APOBEC3B: variants seen among roughly 807,000 people sequenced by gnomAD.
The protein encoded by APOBEC3B is apolipoprotein B mRNA editing enzyme catalytic subunit 3B.
In APOBEC3B, 29 loss-of-function variants were observed where a neutral mutation model predicts 53.4. The ratio of observed to expected loss-of-function variants is 0.54; its 90% confidence interval spans 0.40 to 0.74. The LOEUF (loss-of-function observed/expected upper bound fraction) is 0.74, where lower values mean the gene tolerates loss of function less well. Among genes scored for constraint, APOBEC3B ranks in the 30% least tolerant of loss-of-function variants. The pLI, the probability that APOBEC3B is intolerant of heterozygous loss-of-function variation, is 0.00. For synonymous variants in APOBEC3B, 132 were observed against 184.8 expected (o/e 0.71, Z 2.32); for missense variants, 347 against 496.2 (o/e 0.70, Z 2.86).
chr22:38,988,683 C>CTCTCCTTCTTTCTTTCTTTCTT (rs1555894372), intron 4 of APOBEC3B, among the ~76,000 whole-genome samples: 1 of 47,512 alleles, frequency 2.1e-5, no homozygotes, highest in Non-Finnish European at 3.9e-5. Flanking sequence ...TTCTCTCTTT[C>CTCTCCTTCTTTCTTTCTTTCTT]TCTTTCTTTC....
In APOBEC3B at chr22:38,992,187, C is replaced by T. The variant is rs765789641; in HGVS notation, c.1134+38C>T. The T allele has an allele frequency of 1.2e-5, 19 of 1,575,984 alleles. 1 individual carries two copies. In the Middle Eastern group the frequency reaches 5.3e-4, roughly 44 times the overall value. ...TCCCTCTGCCTGGTGCCCCATCGGC[C>T]TCCCCCTCCTCCCCGCTCCCCTGTG... On this transcript the variant is annotated intron_variant, in intron 7 of 7. Transcript: ENST00000333467.
At position 38,988,683 on chromosome 22, in the gene APOBEC3B, C is replaced by CTT. The variant is rs779025117; in HGVS notation, c.570-773_570-772insTT. Among the ~76,000 whole-genome samples, 11 of 47,524 alleles carry CTT rather than the reference C, an allele frequency of 2.3e-4. 1 individual carries two copies. The highest frequency in any genetic ancestry group is 9.0e-4 in the African/African-American group (10 of 11,160). The allele number at this position is 47,524 out of a possible 152,430, so 31.2% of individuals were successfully genotyped here. A position where few individuals can be genotyped will look rare whatever the true frequency, so the allele number is the denominator to read the frequency against. On this transcript the variant is annotated intron_variant, in intron 4 of 7. Coordinates refer to ENST00000333467, the MANE Select transcript of APOBEC3B (RefSeq NM_004900.5). ...TTGCTTCCTCTCTCTTTCTCTCTTT[C>CTT]TCTTTCTTTCTTTCTTTCTTTCTTT...
chr22:38,985,959 C>T lies in APOBEC3B; in HGVS notation c.322C>T (p.Leu108=), dbSNP rs138673527. The T allele has an allele frequency of 6.2e-7, 1 of 1,600,148 alleles. No homozygotes were observed. The highest frequency in any genetic ancestry group is 1.1e-5 in the South Asian group (1 of 89,672). Residue 108 remains leucine (L), a synonymous_variant, in exon 3 of 8, where the codon CTG becomes TTG. Transcript: ENST00000333467. ...PDCVAKLAEF[L]SEHPNVTLTI... ...CTGTGTGGCGAAGCTGGCCGAATTC[C>T]TGTCTGAGCACCCCAATGTCACCCT...
intron 1 of APOBEC3B, 30 bp downstream of exon 1, chr22:38,982,500 C>T: frequency 6.3e-7 from 1 of 1,591,966 alleles, no homozygotes; most frequent in Non-Finnish European, 8.5e-7. Context: ...CTGCTGGGCC[C>T]CTCCTGCCCC....
intron 1 of APOBEC3B, among the ~76,000 whole-genome samples, chr22:38,983,273 A>G (rs183559976): frequency 3.4e-5 from 5 of 147,868 alleles, no homozygotes; most frequent in Admixed American, 1.4e-4. Context: ...AGCTGAGATC[A>G]TGCCACTGCA....
Position 38,991,479 on chromosome 22 carries a change from G to A in APOBEC3B, c.871G>A (p.Gly291Arg), listed in dbSNP as rs754881364. 2.2e-5 allele frequency: 35 copies of A among 1,593,486 alleles called. 1 individual carries two copies. The highest frequency in any genetic ancestry group is 2.0e-4 in the East Asian group (8 of 40,426). Residue 291 changes from glycine (G) to arginine (R), a missense_variant, in exon 6 of 8, where the codon GGG becomes AGG. Physicochemically the swap from Gly to Arg is moderately radical, Grantham distance 125. Transcript: ENST00000333467. ...WSPCFSWGCAGEVRAFLQENT... is the reference protein window; with the variant it reads ...WSPCFSWGCAREVRAFLQENT... The stretch of plus-strand genomic sequence containing the variant: ...CCCCTGCTTCTCCTGGGGCTGTGCC[G>A]GGGAAGTGCGTGCGTTCCTTCAGGA...
rs878895525 is a variant in APOBEC3B, at chr22:38,992,517, A to G, written c.*72A>G. Reference sequence around the variant, plus strand: ...GCAGAATAAAAGATCTTCTTCCAAGAAATGCAAACAGACCGTTCACCACCA... The same window carrying G: ...GCAGAATAAAAGATCTTCTTCCAAGGAATGCAAACAGACCGTTCACCACCA... On this transcript the variant is annotated 3_prime_UTR_variant, in exon 8 of 8. Transcript: ENST00000333467. 2 of 1,593,864 alleles carry G rather than the reference A, an allele frequency of 1.3e-6. No homozygotes were observed. The highest frequency in any genetic ancestry group is 3.5e-5 in the Admixed American group (2 of 57,398).
chr22:38,982,936 C>G (rs1255326890), intron 1 of APOBEC3B, among the ~76,000 whole-genome samples: 1 of 148,702 alleles, frequency 6.7e-6, no homozygotes, highest in Non-Finnish European at 1.5e-5. Context: ...CTCTGAAGCA[C>G]ATGATAAATC....
In APOBEC3B at chr22:38,992,562, A is replaced by G. The variant is rs186931724; in HGVS notation, c.*117A>G. ...CCACCATCTCCAGCTGCTCACAGAC[A>G]CCAGCAAAGCAATGTGCTCCTGATC... On this transcript the variant is annotated 3_prime_UTR_variant, in exon 8 of 8. Coordinates refer to ENST00000333467, the MANE Select transcript of APOBEC3B (RefSeq NM_004900.5). 4.0e-4 allele frequency: 643 copies of G among 1,608,246 alleles called. 7 individuals carry two copies. The East Asian group carries it at 7.9e-3, about 20-fold the overall frequency.
intron 5 of APOBEC3B, among the ~76,000 whole-genome samples, chr22:38,990,740 G>T (rs1037156564): frequency 6.8e-6 from 1 of 146,462 alleles, no homozygotes; most frequent in Non-Finnish European, 1.5e-5. Flanking sequence ...GGGAGTAGGG[G>T]AGTTGATGAG....
intron 4 of APOBEC3B, 48 bp downstream of exon 4, chr22:38,986,460 ATCC>A: frequency 6.4e-7 from 1 of 1,573,720 alleles, no homozygotes; most frequent in Non-Finnish European, 8.6e-7. Flanking sequence ...TCACCTGCTC[ATCC>A]TCCTGAGGCC....
intron 5 of APOBEC3B, 86 bp downstream of exon 5, chr22:38,989,696 G>GT: frequency 7.8e-7 from 1 of 1,282,384 alleles, no homozygotes; most frequent in South Asian, 1.8e-5. Flanking sequence ...GGTGCCTGTG[G>GT]TTTCCTGCAG....
intron 4 of APOBEC3B, among the ~76,000 whole-genome samples, chr22:38,987,760 A>G (rs1488123992): frequency 6.7e-6 from 1 of 148,310 alleles, no homozygotes; most frequent in African/African-American, 2.5e-5. Flanking sequence ...TTAGAATGAC[A>G]CCTGCAACAT....
In APOBEC3B at chr22:38,986,097, A is replaced by C; in HGVS notation, c.454+6A>C. ...GACGATCATGGACTATGAAGGTGAG[A>C]GGTGGAGGGGTCAGGGGAGCGTGAG... On this transcript the variant is annotated splice_donor_region_variant and intron_variant, in intron 3 of 7. Coordinates refer to ENST00000333467, the MANE Select transcript of APOBEC3B (RefSeq NM_004900.5). 6.3e-7 allele frequency: 1 copy of C among 1,591,590 alleles called. No individual in the cohort carries two copies. The highest frequency in any genetic ancestry group is 8.5e-7 in the Non-Finnish European group (1 of 1,171,872).
At chr22:38,988,716 T>TCTTTCTTC (rs1569039090) in intron 4 of APOBEC3B, among the ~76,000 whole-genome samples, 4 of 132,562 alleles carry the variant, frequency 3.0e-5, no homozygotes, top group Non-Finnish European at 6.3e-5. Flanking sequence ...TTTCTTTCTT[T>TCTTTCTTC]CTTTCTTTCT....
chr22:38,985,015 C>T (rs1923681090), intron 2 of APOBEC3B, among the ~76,000 whole-genome samples: 2 of 145,996 alleles, frequency 1.4e-5, no homozygotes, highest in African/African-American at 5.0e-5. Flanking sequence ...GATTCTTCGG[C>T]CTTAGCCTCC....
At chr22:38,990,701 T>G (rs202227035) in intron 5 of APOBEC3B, among the ~76,000 whole-genome samples, 2 of 146,402 alleles carry the variant, frequency 1.4e-5, no homozygotes, top group African/African-American at 2.6e-5. Context: ...AGAATAGAAG[T>G]TTCTAGAATT....
chr22:38,987,912 C>T (rs973110743), intron 4 of APOBEC3B, among the ~76,000 whole-genome samples: 1 of 148,394 alleles, frequency 6.7e-6, no homozygotes, highest in Non-Finnish European at 1.5e-5. Flanking sequence ...GCCTGGCCAG[C>T]GTGGCAAAAC....
Position 38,988,635 on chromosome 22 carries a change from CCCTT to C in APOBEC3B, c.570-801_570-798del, listed in dbSNP as rs1416748270. 1.4e-3 allele frequency among the ~76,000 whole-genome samples: 109 copies of C among 75,630 alleles called. 10 individuals are homozygous for C. The highest frequency in any genetic ancestry group is 3.7e-3 in the African/African-American group (49 of 13,348). The allele number at this position is 75,630 out of a possible 152,430, so 49.6% of individuals were successfully genotyped here. ...AACAGAGATTCCTTCCTTCCTTCCT[CCCTT>C]CCTTCCTTCCTTCCTTCCTTGCTTC... is the stretch of plus-strand genomic sequence containing the variant. On this transcript the variant is annotated intron_variant, in intron 4 of 7. Coordinates refer to ENST00000333467, the MANE Select transcript of APOBEC3B (RefSeq NM_004900.5).
Sources: gnomAD v4.1 joint callset for allele counts (sites outside exome capture counted in the v4.1 genomes callset) on GRCh38, gnomAD v4.1.1 for gene constraint, MANE v1.5 for transcripts, NCBI Gene and HGNC (gene_info 2026-07-23, HGNC 2026-07-21) for gene names.